Variants in DAO observed in about 807,000 individuals in gnomAD.
DAO encodes D-amino-acid oxidase.
Under a neutral mutation model 50.1 loss-of-function variants are expected in DAO, and 51 were observed. The ratio of observed to expected loss-of-function variants is 1.02; its 90% confidence interval spans 0.81 to 1.29. The LOEUF (loss-of-function observed/expected upper bound fraction) is 1.29, where lower values mean the gene tolerates loss of function less well. Ranked by LOEUF, DAO falls within the 50% of genes most tolerant of loss-of-function variation. The pLI is 0.00. For synonymous variants in DAO, 160 were observed against 166.2 expected (o/e 0.96, Z 0.29); for missense variants, 436 against 439.4 (o/e 0.99, Z 0.07).
chr12:108,880,915 G>A lies in DAO; in HGVS notation c.-10+691G>A, dbSNP rs532644950. Reference sequence around the variant, plus strand: ...ATTTTTTTGGAGCAGTGCAGAAAGCGCCGATAGAACTGGGTCTAGGTCCGA... The same window carrying A: ...ATTTTTTTGGAGCAGTGCAGAAAGCACCGATAGAACTGGGTCTAGGTCCGA... On this transcript the variant is annotated intron_variant, in intron 1 of 10. Coordinates refer to ENST00000228476, the MANE Select transcript of DAO (RefSeq NM_001917.5). 5.9e-5 allele frequency among the ~76,000 whole-genome samples: 9 copies of A among 152,132 alleles called. No individual in the cohort carries two copies. In the East Asian group the frequency reaches 1.2e-3, roughly 20 times the overall value.
chr12:108,885,738 T>G (rs1198874617), intron 2 of DAO, among the ~76,000 whole-genome samples: 1 of 152,204 alleles, frequency 6.6e-6, no homozygotes, highest in Non-Finnish European at 1.5e-5. Context: ...GAAAACTTCC[T>G]CTGTTTTAAT....
intron 2 of DAO, 23 bp from the exon 3 acceptor site, chr12:108,887,427 C>A: frequency 6.3e-7 from 1 of 1,576,472 alleles, no homozygotes; most frequent in Non-Finnish European, 8.7e-7. Context: ...ATTGGGTGAT[C>A]GAACTCTTCA....
At chr12:108,898,572 G>C in intron 8 of DAO, 107 bp from the exon 9 acceptor site, 4 of 804,020 alleles carry the variant, frequency 5.0e-6, no homozygotes, top group Non-Finnish European at 9.0e-6. Context: ...AATTGAGGTA[G>C]TGATGGTGGT....
In DAO at chr12:108,890,957, T is replaced by G. The variant is rs570313891; in HGVS notation, c.452+684T>G. On this transcript the variant is annotated intron_variant, in intron 5 of 10. Transcript: ENST00000228476. The stretch of plus-strand genomic sequence containing the variant: ...CCTCAGCCTCCTGAGTAGCTGCGAC[T>G]ACAGGTGCCTGCCACCACCACACCT... 2.7e-3 allele frequency among the ~76,000 whole-genome samples: 416 copies of G among 152,264 alleles called. 1 individual carries two copies. Among genetic ancestry groups the G allele is most frequent in the African/African-American group, 9.5e-3 (396 of 41,560 alleles).
intron 7 of DAO, 32 bp from the exon 8 acceptor site, chr12:108,896,974 G>A (rs776158437): frequency 6.4e-6 from 10 of 1,562,990 alleles, no homozygotes; most frequent in Non-Finnish European, 7.9e-6. Flanking sequence ...ACTCACCTCC[G>A]CTGATGAGAC....
At chr12:108,883,554 C>T (rs1184453862) in intron 1 of DAO, 1 of 453,038 alleles carries the variant, frequency 2.2e-6, no homozygotes, top group Non-Finnish European at 4.4e-6. Flanking sequence ...CTGTGCCAGG[C>T]GTGGTACCAA....
chr12:108,892,159 CTTT>C (rs11356161), intron 5 of DAO, among the ~76,000 whole-genome samples: 3 of 108,988 alleles, frequency 2.8e-5, no homozygotes, highest in African/African-American at 7.3e-5. Flanking sequence ...TTTCTTTCTT[CTTT>C]TTTTTTTTTT....
chr12:108,890,180 T>C (rs1372144594), intron 4 of DAO, 28 bp from the exon 5 acceptor site: 2 of 1,593,064 alleles, frequency 1.3e-6, no homozygotes, highest in Non-Finnish European at 8.6e-7. Flanking sequence ...TTACCTTTAT[T>C]TCCACCTTTT....
chr12:108,887,887 C>T (rs1330591403), intron 3 of DAO, among the ~76,000 whole-genome samples: 6 of 152,086 alleles, frequency 3.9e-5, no homozygotes, highest in Non-Finnish European at 5.9e-5. Context: ...TTTCAAGTGC[C>T]CCTGAAGGTC....
chr12:108,880,298 C>T (rs1042593484), intron 1 of DAO, 74 bp downstream of exon 1: 8 of 369,012 alleles, frequency 2.2e-5, no homozygotes, highest in African/African-American at 1.7e-4. Flanking sequence ...TCATGTCCTC[C>T]CAATGTCAAA....
chr12:108,892,190 T>A (rs2039499121), intron 5 of DAO, among the ~76,000 whole-genome samples: 1 of 137,174 alleles, frequency 7.3e-6, no homozygotes, highest in Non-Finnish European at 1.5e-5. Flanking sequence ...TGAGACAGAG[T>A]CTTGCTCTGT....
intron 3 of DAO, among the ~76,000 whole-genome samples, chr12:108,889,000 T>C (rs1439240009): frequency 2.6e-5 from 4 of 152,198 alleles, no homozygotes; most frequent in Non-Finnish European, 4.4e-5. Flanking sequence ...GGGGAAAGAA[T>C]AGCATCCACC....
chr12:108,898,616 G>C, intron 8 of DAO, 63 bp from the exon 9 acceptor site: 2 of 1,093,542 alleles, frequency 1.8e-6, no homozygotes, highest in Non-Finnish European at 2.8e-6. Context: ...TGATGGTAAT[G>C]ACCTTTATTC....
Position 108,890,195 on chromosome 12 carries a change from A to G in DAO, c.387-13A>G. The G allele has an allele frequency of 6.2e-7, 1 of 1,608,382 alleles. No individual in the cohort carries two copies. The highest frequency in any genetic ancestry group is 8.5e-7 in the Non-Finnish European group (1 of 1,174,806). ...TTACCTTTATTTCCACCTTTTGCTT[A>G]CTGTGACTCTAGCTATGGCTGGTTC... On this transcript the variant is annotated splice_polypyrimidine_tract_variant and intron_variant, in intron 4 of 10. Transcript: ENST00000228476.
At chr12:108,898,292 T>A (rs1265797790) in intron 8 of DAO, among the ~76,000 whole-genome samples, 1 of 152,110 alleles carries the variant, frequency 6.6e-6, no homozygotes, top group Non-Finnish European at 1.5e-5. Context: ...CTATCAATGA[T>A]GTTAATACTG....
intron 1 of DAO, 102 bp downstream of exon 1, chr12:108,880,326 C>T: frequency 5.7e-6 from 2 of 349,610 alleles, no homozygotes; most frequent in East Asian, 7.5e-5. Flanking sequence ...CTCAACATTA[C>T]AGCCTAAGGC....
At chr12:108,890,532 T>C (rs1203788726) in intron 5 of DAO, among the ~76,000 whole-genome samples, 5 of 152,230 alleles carry the variant, frequency 3.3e-5, no homozygotes, top group African/African-American at 7.2e-5. Flanking sequence ...ATCCCTAATG[T>C]TTGTGTAATA....
intron 1 of DAO, among the ~76,000 whole-genome samples, chr12:108,884,429 A>T (rs1566034416): frequency 6.6e-6 from 1 of 152,222 alleles, no homozygotes; most frequent in Non-Finnish European, 1.5e-5. Context: ...ATGCTTGTGA[A>T]GCACTTAGTG....
intron 5 of DAO, among the ~76,000 whole-genome samples, chr12:108,892,750 T>C (rs556381956): frequency 6.6e-6 from 1 of 152,314 alleles, no homozygotes; most frequent in South Asian, 2.1e-4. Flanking sequence ...CCCCACTCCA[T>C]CTGCCCAACA....
Sources: allele counts gnomAD v4.1 joint callset (sites outside exome capture counted in the v4.1 genomes callset), GRCh38; gene constraint gnomAD v4.1.1; transcripts MANE v1.5; gene names NCBI Gene and HGNC (gene_info 2026-07-23, HGNC 2026-07-21).